NPRL2: variants seen among roughly 807,000 people sequenced by gnomAD.
NPRL2 encodes GATOR1 complex protein NPRL2.
A neutral mutation model predicts 51.1 loss-of-function variants in NPRL2; 21 were observed. The observed-to-expected ratio is 0.41, with a 90% CI of 0.29 to 0.59. NPRL2 has a LOEUF of 0.59. Ranked by LOEUF, NPRL2 falls within the 20% of genes least tolerant of loss-of-function variation. The probability of loss-of-function intolerance (pLI) is 0.29; values close to 1 mark genes in which losing one functional copy is unlikely to be tolerated. For synonymous variants in NPRL2, 175 were observed against 187.8 expected (o/e 0.93, Z 0.56); for missense variants, 376 against 483.4 (o/e 0.78, Z 2.08).
Position 50,350,525 on chromosome 3 carries a change from C to T in NPRL2, c.78+50G>A, listed in dbSNP as rs1161843914. 6.5e-7 allele frequency: 1 copy of T among 1,548,588 alleles called. No individual in the cohort carries two copies. Among genetic ancestry groups the T allele is most frequent in the African/African-American group, 1.4e-5 (1 of 73,464 alleles). On this transcript the variant is annotated intron_variant, in intron 1 of 10. Transcript: ENST00000232501. The surrounding 1 kb of genome is among the most constrained non-coding windows in gnomAD (Gnocchi z 5.7). ...TACTGCCTTCAGGCAGCCAGTTGAG[C>T]TCTCGAGAACGTCCCTCTTCCCGCC...
Position 50,347,488 on chromosome 3 carries a change from G to T in NPRL2, c.*118C>A. 1 of 1,314,120 alleles carries T rather than the reference G, an allele frequency of 7.6e-7. No homozygotes were observed. The highest frequency in any genetic ancestry group is 1.1e-6 in the Non-Finnish European group (1 of 923,712). 81.4% of individuals were successfully genotyped at this position (1,314,120 alleles called of 1,614,324 possible). ...GGCCCAGAAACAGCACTCAATAAAG[G>T]CTGTTTGAAATGGATGTCTTTATTT... On this transcript the variant is annotated 3_prime_UTR_variant, in exon 11 of 11. Coordinates refer to ENST00000232501, the MANE Select transcript of NPRL2 (RefSeq NM_006545.5).
At position 50,347,387 on chromosome 3, in the gene NPRL2, G is replaced by T. The variant is rs1703587692; in HGVS notation, c.*219C>A. Reference sequence around the variant, plus strand: ...TAACCGGCACTTTTATTTGTCGATTGTCGGTCCTGCCCACCAGATGGCGAT... The same window carrying T: ...TAACCGGCACTTTTATTTGTCGATTTTCGGTCCTGCCCACCAGATGGCGAT... On this transcript the variant is annotated 3_prime_UTR_variant, in exon 11 of 11. Transcript: ENST00000232501. 2 of 126,876 alleles carry T rather than the reference G, an allele frequency of 1.6e-5. No individual in the cohort carries two copies. The highest frequency in any genetic ancestry group is 1.4e-5 in the Non-Finnish European group (1 of 69,622). The allele number at this position is 126,876 out of a possible 1,614,324, so 7.9% of individuals were successfully genotyped here. A position where few individuals can be genotyped will look rare whatever the true frequency, so the allele number is the denominator to read the frequency against.
chr3:50,347,469 G>T lies in NPRL2; in HGVS notation c.*137C>A. On this transcript the variant is annotated 3_prime_UTR_variant, in exon 11 of 11. Coordinates refer to ENST00000232501, the MANE Select transcript of NPRL2 (RefSeq NM_006545.5). ...TGCTGGGTCTCCCACGGCTGGCCCA[G>T]AAACAGCACTCAATAAAGGCTGTTT... The T allele has an allele frequency of 9.3e-7, 1 of 1,079,834 alleles. No homozygotes were observed. Among genetic ancestry groups the T allele is most frequent in the Non-Finnish European group, 1.3e-6 (1 of 744,900 alleles). The allele number at this position is 1,079,834 out of a possible 1,614,324, so 66.9% of individuals were successfully genotyped here.
Position 50,347,595 on chromosome 3 carries a change from C to G in NPRL2, c.*11G>C. The G allele has an allele frequency of 1.2e-6, 2 of 1,613,990 alleles. No individual in the cohort carries two copies. Among genetic ancestry groups the G allele is most frequent in the African/African-American group, 2.7e-5 (2 of 75,048 alleles). ...ACCCACAGCAATGTGTCCATCCAGT[C>G]ACTACCAGCCTCACTTCCAGCAGAT... On this transcript the variant is annotated 3_prime_UTR_variant, in exon 11 of 11. Transcript: ENST00000232501.
Position 50,349,866 on chromosome 3 carries a change from C to G in NPRL2, c.171-33G>C. ...ATTGGAACACAGTCAGGCCCCCAAG[C>G]CTGTCCCTTCCTCCTCCTGGGACAA... On this transcript the variant is annotated intron_variant, in intron 2 of 10. Coordinates refer to ENST00000232501, the MANE Select transcript of NPRL2 (RefSeq NM_006545.5). The surrounding 1 kb of genome is among the most constrained non-coding windows in gnomAD (Gnocchi z 4.6). 1 of 1,612,828 alleles carries G rather than the reference C, an allele frequency of 6.2e-7. No individual in the cohort carries two copies. The highest frequency in any genetic ancestry group is 8.5e-7 in the Non-Finnish European group (1 of 1,179,260).
At position 50,349,251 on chromosome 3, in the gene NPRL2, A is replaced by T; in HGVS notation, c.448+135T>A. 1.1e-6 allele frequency: 1 copy of T among 880,592 alleles called. No homozygotes were observed. The highest frequency in any genetic ancestry group is 1.8e-6 in the Non-Finnish European group (1 of 560,806). The allele number at this position is 880,592 out of a possible 1,614,324, so 54.5% of individuals were successfully genotyped here. ...AGCTCCATCATGCATTGGACCCTGGACATGGGCACCTCAGCCCATGGCTAT... is the reference window on the plus strand; with the variant it reads ...AGCTCCATCATGCATTGGACCCTGGTCATGGGCACCTCAGCCCATGGCTAT... On this transcript the variant is annotated intron_variant, in intron 4 of 10. Transcript: ENST00000232501. This position sits in a 1 kb window ranked among gnomAD's most constrained non-coding sequence, Gnocchi z 4.6.
Position 50,348,002 on chromosome 3 carries a change from C to T in NPRL2, c.933-101G>A, listed in dbSNP as rs909461907. The T allele has an allele frequency of 5.0e-6, 8 of 1,594,418 alleles. No homozygotes were observed. The highest frequency in any genetic ancestry group is 5.1e-6 in the Non-Finnish European group (6 of 1,165,740). On this transcript the variant is annotated intron_variant, in intron 9 of 10. Coordinates refer to ENST00000232501, the MANE Select transcript of NPRL2 (RefSeq NM_006545.5). This position sits in a 1 kb window ranked among gnomAD's most constrained non-coding sequence, Gnocchi z 5.8. The stretch of plus-strand genomic sequence containing the variant: ...CTCCCTTCAATTTTGTCTCTGTAGC[C>T]CATCATCTCCAGGAAGCCTGCTTGG...
chr3:50,349,320 A>C lies in NPRL2; in HGVS notation c.448+66T>G. ...TTCATGAGTCTTGCCCTTCTCCCTGACTAGCTGGGTTCACTTTCCCATCTC... is the reference window on the plus strand; with the variant it reads ...TTCATGAGTCTTGCCCTTCTCCCTGCCTAGCTGGGTTCACTTTCCCATCTC... On this transcript the variant is annotated intron_variant, in intron 4 of 10. Transcript: ENST00000232501. This position sits in a 1 kb window ranked among gnomAD's most constrained non-coding sequence, Gnocchi z 4.6. 9 of 1,391,318 alleles carry C rather than the reference A, an allele frequency of 6.5e-6. No homozygotes were observed. The highest frequency in any genetic ancestry group is 8.1e-6 in the Non-Finnish European group (8 of 982,156). 86.2% of individuals were successfully genotyped at this position (1,391,318 alleles called of 1,614,324 possible).
In NPRL2 at chr3:50,349,835, TG is replaced by T. The variant is rs1425333311; in HGVS notation, c.171-3del. ...ATCAGCTTCTTTTCCATAGCTGTGC[TG>T]GATAATTGGAACACAGTCAGGCCCC... On this transcript the variant is annotated splice_region_variant and splice_polypyrimidine_tract_variant and intron_variant, in intron 2 of 10. Transcript: ENST00000232501. This position sits in a 1 kb window ranked among gnomAD's most constrained non-coding sequence, Gnocchi z 4.6. The T allele has an allele frequency of 1.9e-6, 3 of 1,611,720 alleles. No homozygotes were observed. Among genetic ancestry groups the T allele is most frequent in the Non-Finnish European group, 2.5e-6 (3 of 1,178,278 alleles).
In NPRL2 at chr3:50,348,419, TAGC is replaced by T. The variant is rs780044112; in HGVS notation, c.721-12_721-10del. ...CAGTATACATTGGAGTACTAGAGGG[TAGC>T]AGAAGGCATAGGGGCCTGAGTGAGG... is the stretch of plus-strand genomic sequence containing the variant. On this transcript the variant is annotated splice_polypyrimidine_tract_variant and intron_variant, in intron 7 of 10. Transcript: ENST00000232501. This position sits in a 1 kb window ranked among gnomAD's most constrained non-coding sequence, Gnocchi z 5.8. 2 of 1,613,534 alleles carry T rather than the reference TAGC, an allele frequency of 1.2e-6. No individual in the cohort carries two copies. The highest frequency in any genetic ancestry group is 2.7e-5 in the African/African-American group (2 of 74,894).
At position 50,348,342 on chromosome 3, in the gene NPRL2, T is replaced by G; in HGVS notation, c.789A>C (p.Ala263=). Residue 263 remains alanine, a synonymous_variant, in exon 8 of 11, where the codon GCA becomes GCC. Transcript: ENST00000232501. This position sits in a 1 kb window ranked among gnomAD's most constrained non-coding sequence, Gnocchi z 5.8. Reference sequence around the variant, plus strand: ...CTTGCTTGGTCACGTAGGATAGACATGCCTCTTGCAGGGACTTGTCATCTA... The same window carrying G: ...CTTGCTTGGTCACGTAGGATAGACAGGCCTCTTGCAGGGACTTGTCATCTA... ...DLVDDKSLQE[A]CLSYVTKQGH... is the part of the protein sequence containing the mutation. 1 of 1,613,964 alleles carries G rather than the reference T, an allele frequency of 6.2e-7. No homozygotes were observed. The highest frequency in any genetic ancestry group is 8.5e-7 in the Non-Finnish European group (1 of 1,180,040).
chr3:50,348,574 G>C lies in NPRL2; in HGVS notation c.684-11C>G. 6.2e-7 allele frequency: 1 copy of C among 1,614,124 alleles called. No homozygotes were observed. The highest frequency in any genetic ancestry group is 8.5e-7 in the Non-Finnish European group (1 of 1,180,030). On this transcript the variant is annotated splice_polypyrimidine_tract_variant and intron_variant, in intron 6 of 10. Transcript: ENST00000232501. The surrounding 1 kb of genome is among the most constrained non-coding windows in gnomAD (Gnocchi z 5.8). Reference sequence around the variant, plus strand: ...ACAACGCCGTAGTACCTGAGAGAGAGAGCTGTGCTCAGCTTCTGAGGACCA... The same window carrying C: ...ACAACGCCGTAGTACCTGAGAGAGACAGCTGTGCTCAGCTTCTGAGGACCA...
At position 50,348,447 on chromosome 3, in the gene NPRL2, G is replaced by A; in HGVS notation, c.721-37C>T. ...CAGAAGGCATAGGGGCCTGAGTGAGGGGCTTGGGAAGCTGACACAGCCCTG... is the reference window on the plus strand; with the variant it reads ...CAGAAGGCATAGGGGCCTGAGTGAGAGGCTTGGGAAGCTGACACAGCCCTG... On this transcript the variant is annotated intron_variant, in intron 7 of 10. Transcript: ENST00000232501. The surrounding 1 kb of genome is among the most constrained non-coding windows in gnomAD (Gnocchi z 5.8). 6.2e-7 allele frequency: 1 copy of A among 1,613,422 alleles called. No individual in the cohort carries two copies. The highest frequency in any genetic ancestry group is 8.5e-7 in the Non-Finnish European group (1 of 1,179,564).
chr3:50,349,751 GGTTGAAGAGGA>G lies in NPRL2; in HGVS notation c.242_252del (p.Leu81ProfsTer6). 1.9e-6 allele frequency: 3 copies of G among 1,613,982 alleles called. No individual in the cohort carries two copies. The highest frequency in any genetic ancestry group is 1.7e-6 in the Non-Finnish European group (2 of 1,180,014). On this transcript the variant is annotated frameshift_variant, in exon 3 of 11. Transcript: ENST00000232501. LOFTEE classifies it high-confidence loss of function. The surrounding 1 kb of genome is among the most constrained non-coding windows in gnomAD (Gnocchi z 4.6). Reference sequence around the variant, plus strand: ...GCCTGGGCATCACACACGAAGCCCAGGTTGAAGAGGAGAGCATTGCGGCTGTACTTCTTGTG... The same window carrying G: ...GCCTGGGCATCACACACGAAGCCCAGGAGCATTGCGGCTGTACTTCTTGTG...
Position 50,348,490 on chromosome 3 carries a change from G to A in NPRL2, c.720+37C>T. On this transcript the variant is annotated intron_variant, in intron 7 of 10. Coordinates refer to ENST00000232501, the MANE Select transcript of NPRL2 (RefSeq NM_006545.5). The surrounding 1 kb of genome is among the most constrained non-coding windows in gnomAD (Gnocchi z 5.8). Reference sequence around the variant, plus strand: ...CAGCCCTGGTCTGGTCCAGCCACATGATCCACTCTCCACTTAACCAAACCC... The same window carrying A: ...CAGCCCTGGTCTGGTCCAGCCACATAATCCACTCTCCACTTAACCAAACCC... 6.2e-7 allele frequency: 1 copy of A among 1,613,930 alleles called. No individual in the cohort carries two copies. The highest frequency in any genetic ancestry group is 8.5e-7 in the Non-Finnish European group (1 of 1,179,910).
Position 50,348,821 on chromosome 3 carries a change from G to C in NPRL2, c.586-39C>G, listed in dbSNP as rs1259356056. ...GACAAGGTCAGAAGAAACAGGATGA[G>C]GCCAGGGCTGTGGCCAGCCCCAGGT... On this transcript the variant is annotated intron_variant, in intron 5 of 10. Coordinates refer to ENST00000232501, the MANE Select transcript of NPRL2 (RefSeq NM_006545.5). This position sits in a 1 kb window ranked among gnomAD's most constrained non-coding sequence, Gnocchi z 5.8. 1 of 1,613,886 alleles carries C rather than the reference G, an allele frequency of 6.2e-7. No individual in the cohort carries two copies. Among genetic ancestry groups the C allele is most frequent in the Non-Finnish European group, 8.5e-7 (1 of 1,179,968 alleles).
At position 50,348,038 on chromosome 3, in the gene NPRL2, C is replaced by T; in HGVS notation, c.932+86G>A. 6.3e-7 allele frequency: 1 copy of T among 1,582,592 alleles called. No individual in the cohort carries two copies. Among genetic ancestry groups the T allele is most frequent in the Non-Finnish European group, 8.7e-7 (1 of 1,154,452 alleles). The stretch of plus-strand genomic sequence containing the variant: ...AGGAAGCCTGCTTGGATTGGCAGTG[C>T]CCCATGATCCAGGGCTCCTGAGAGA... On this transcript the variant is annotated intron_variant, in intron 9 of 10. Coordinates refer to ENST00000232501, the MANE Select transcript of NPRL2 (RefSeq NM_006545.5). This position sits in a 1 kb window ranked among gnomAD's most constrained non-coding sequence, Gnocchi z 5.8.
Position 50,347,526 on chromosome 3 carries a change from G to C in NPRL2, c.*80C>G. 1 of 1,550,272 alleles carries C rather than the reference G, an allele frequency of 6.5e-7. No homozygotes were observed. Among genetic ancestry groups the C allele is most frequent in the Non-Finnish European group, 8.9e-7 (1 of 1,125,574 alleles). On this transcript the variant is annotated 3_prime_UTR_variant, in exon 11 of 11. Coordinates refer to ENST00000232501, the MANE Select transcript of NPRL2 (RefSeq NM_006545.5). Reference sequence around the variant, plus strand: ...GATGTCTTTATTTACAGAACTAAGAGTCAACCTCTAGACAGTATGACAAGC... The same window carrying C: ...GATGTCTTTATTTACAGAACTAAGACTCAACCTCTAGACAGTATGACAAGC...
At position 50,347,355 on chromosome 3, in the gene NPRL2, TTGTA is replaced by T; in HGVS notation, c.*247_*250del. The T allele has an allele frequency of 4.6e-6, 1 of 215,112 alleles. No homozygotes were observed. The highest frequency in any genetic ancestry group is 1.1e-4 in the South Asian group (1 of 8,738). 13.3% of individuals were successfully genotyped at this position (215,112 alleles called of 1,614,324 possible). On this transcript the variant is annotated 3_prime_UTR_variant, in exon 11 of 11. Coordinates refer to ENST00000232501, the MANE Select transcript of NPRL2 (RefSeq NM_006545.5). ...TTTTTTTTTTTTTTTTTTTTTTTTT[TTGTA>T]ATTAACCGGCACTTTTATTTGTCGA...
Sources: allele counts gnomAD v4.1 joint callset, GRCh38; gene constraint gnomAD v4.1.1; non-coding constraint Gnocchi (gnomAD v3.1); transcripts MANE v1.5; gene names NCBI Gene and HGNC (gene_info 2026-07-23, HGNC 2026-07-21).